The following LRMDA variants were observed in gnomAD, a reference collection of about 807,000 sequenced individuals.
LRMDA encodes leucine rich melanocyte differentiation associated.
In LRMDA, 18 loss-of-function variants were observed where a neutral mutation model predicts 29.8. The observed-to-expected ratio is 0.60, with a 90% confidence interval of 0.42 to 0.90. The LOEUF is 0.90. LRMDA is among the 40% of genes least tolerant of loss of function. The pLI is 0.00. For synonymous variants in LRMDA, 125 were observed against 109.4 expected (o/e 1.14, Z -0.89); for missense variants, 273 against 273.9 (o/e 1.00, Z 0.02).
intron 6 of LRMDA, among the ~76,000 whole-genome samples, chr10:76,340,515 CAAA>C (rs1174024731): frequency 3.3e-4 from 25 of 75,758 alleles, no homozygotes; most frequent in African/African-American, 1.3e-3. Context: ...GAACCTGTAT[CAAA>C]AAAAAAAAAA....
intron 2 of LRMDA, among the ~76,000 whole-genome samples, chr10:75,777,078 CTGTT>C (rs1843321988): frequency 6.6e-6 from 1 of 152,164 alleles, no homozygotes; most frequent in African/African-American, 2.4e-5. Context: ...CGGGTTTACT[CTGTT>C]TGTAAGGGAG....
At chr10:76,355,502 T>C (rs1180987100) in intron 6 of LRMDA, among the ~76,000 whole-genome samples, 1 of 152,208 alleles carries the variant, frequency 6.6e-6, no homozygotes, top group Non-Finnish European at 1.5e-5. Flanking sequence ...CCTGATGTGA[T>C]CAAGGAAGAA....
chr10:75,474,325 A>G (rs1052701823), intron 2 of LRMDA, among the ~76,000 whole-genome samples: 5 of 152,216 alleles, frequency 3.3e-5, no homozygotes, highest in Admixed American at 2.0e-4. Flanking sequence ...TGGCTTATGA[A>G]CAGCAGAAAC....
intron 5 of LRMDA, among the ~76,000 whole-genome samples, chr10:76,154,189 T>C (rs1352246694): frequency 1.3e-5 from 2 of 152,200 alleles, no homozygotes; most frequent in African/African-American, 4.8e-5. Context: ...TAATGCTTAG[T>C]TCTGACTCCT....
intron 2 of LRMDA, among the ~76,000 whole-genome samples, chr10:75,817,997 T>G (rs1279477307): frequency 6.6e-6 from 1 of 152,232 alleles, no homozygotes; most frequent in African/African-American, 2.4e-5. Context: ...TACACTTGTT[T>G]CCTCATAGTC....
intron 6 of LRMDA, among the ~76,000 whole-genome samples, chr10:76,451,947 A>G (rs536225873): frequency 6.6e-6 from 1 of 152,248 alleles, no homozygotes; most frequent in East Asian, 1.9e-4. Flanking sequence ...GTGAGCCACC[A>G]TGCCTGGCCC....
intron 2 of LRMDA, among the ~76,000 whole-genome samples, chr10:75,501,175 TCCCA>T: frequency 6.6e-6 from 1 of 152,332 alleles, no homozygotes; most frequent in Admixed American, 6.5e-5. Context: ...CCTTTTTTTT[TCCCA>T]CCTATTACCC....
intron 5 of LRMDA, among the ~76,000 whole-genome samples, chr10:76,195,332 C>G (rs1449379090): frequency 6.6e-6 from 1 of 152,192 alleles, no homozygotes; most frequent in Non-Finnish European, 1.5e-5. Flanking sequence ...AGTCACAGAG[C>G]TATTAAAGTA....
chr10:75,725,821 G>A (rs192191091), intron 2 of LRMDA, among the ~76,000 whole-genome samples: 1 of 152,168 alleles, frequency 6.6e-6, no homozygotes. Context: ...CTGGGTGGGA[G>A]GGCTTTTGCC....
chr10:75,723,628 C>T (rs1034000778), intron 2 of LRMDA, among the ~76,000 whole-genome samples: 8 of 152,068 alleles, frequency 5.3e-5, no homozygotes, highest in South Asian at 2.1e-4. Context: ...AGGAAAAGGC[C>T]GGAAAGACAG....
At chr10:76,249,718 G>T (rs150050205) in intron 5 of LRMDA, among the ~76,000 whole-genome samples, 2 of 152,276 alleles carry the variant, frequency 1.3e-5, no homozygotes, top group East Asian at 3.9e-4. Flanking sequence ...TGCATTTCCA[G>T]GTAGATCGAC....
chr10:75,558,248 TCTAA>T (rs1487266607), intron 2 of LRMDA, among the ~76,000 whole-genome samples: 1 of 151,730 alleles, frequency 6.6e-6, no homozygotes, highest in Non-Finnish European at 1.5e-5. Context: ...TGAAAATTAG[TCTAA>T]CTAAGGCAGT....
intron 5 of LRMDA, among the ~76,000 whole-genome samples, chr10:76,104,097 A>G (rs2132105734): frequency 6.6e-6 from 1 of 151,574 alleles, no homozygotes; most frequent in South Asian, 2.1e-4. Context: ...GTATGGATGG[A>G]ATTTCTTCCA....
intron 2 of LRMDA, among the ~76,000 whole-genome samples, chr10:75,515,435 C>G (rs542189284): frequency 2.0e-5 from 3 of 152,318 alleles, no homozygotes; most frequent in South Asian, 2.1e-4. Context: ...TGCAGTGGCA[C>G]AGTCATGGCT....
At chr10:75,595,829 A>G (rs1840779694) in intron 2 of LRMDA, among the ~76,000 whole-genome samples, 1 of 151,772 alleles carries the variant, frequency 6.6e-6, no homozygotes, top group African/African-American at 2.4e-5. Context: ...GTCCAGCTAC[A>G]TTGATCTCTG....
At chr10:75,667,230 C>G (rs899456667) in intron 2 of LRMDA, among the ~76,000 whole-genome samples, 1 of 151,886 alleles carries the variant, frequency 6.6e-6, no homozygotes, top group Admixed American at 6.6e-5. Context: ...ACCCCCCCCC[C>G]CAAGTAAGAA....
intron 5 of LRMDA, among the ~76,000 whole-genome samples, chr10:76,091,982 C>G (rs546336780): frequency 1.3e-5 from 2 of 152,172 alleles, no homozygotes; most frequent in African/African-American, 4.8e-5. Flanking sequence ...CCACCAGTAT[C>G]CCCCTTTCAC....
chr10:75,736,879 T>G (rs566238499), intron 2 of LRMDA, among the ~76,000 whole-genome samples: 1 of 152,288 alleles, frequency 6.6e-6, no homozygotes, highest in South Asian at 2.1e-4. Flanking sequence ...GCACCTTTGT[T>G]GCCATGCAGA....
chr10:76,226,269 A>G (rs889953871), intron 5 of LRMDA, among the ~76,000 whole-genome samples: 1 of 152,074 alleles, frequency 6.6e-6, no homozygotes, highest in Non-Finnish European at 1.5e-5. Flanking sequence ...TGAAGGAGGA[A>G]CTTGCCTAAC....
Sources: allele counts gnomAD v4.1 joint callset (sites outside exome capture counted in the v4.1 genomes callset), GRCh38; gene constraint gnomAD v4.1.1; transcripts MANE v1.5; gene names NCBI Gene and HGNC (gene_info 2026-07-23, HGNC 2026-07-21).